The following TRHDE variants were observed in gnomAD, a reference collection of about 807,000 sequenced individuals.
TRHDE encodes the protein thyrotropin-releasing hormone-degrading ectoenzyme.
A neutral mutation model predicts 125.7 loss-of-function variants in TRHDE; 72 were observed. The ratio of observed to expected loss-of-function variants is 0.57; its 90% CI spans 0.47 to 0.70. TRHDE has a LOEUF of 0.70. TRHDE is among the 30% of genes least tolerant of loss of function. TRHDE has a pLI of 0.00. For missense variants in TRHDE, 1,110 were observed against 1,327.1 expected (o/e 0.84, Z 2.54); for synonymous variants, 509 against 509.1 (o/e 1.00, Z 0.00).
At chr12:72,494,452 G>T (rs1251521575) in intron 5 of TRHDE, among the ~76,000 whole-genome samples, 1 of 151,836 alleles carries the variant, frequency 6.6e-6, no homozygotes, top group African/African-American at 2.4e-5. Flanking sequence ...CTTTGATCTT[G>T]GTTTAGATTA....
Position 72,322,844 on chromosome 12 carries a change from G to A in TRHDE, c.1188+35890G>A, listed in dbSNP as rs540756166. On this transcript the variant is annotated intron_variant, in intron 2 of 18. Transcript: ENST00000261180. ...TAGGACTTCAGTTATCCACATTTGT[G>A]TATCAGTTAACAGTGGATATAGGGG... 5.9e-5 allele frequency among the ~76,000 whole-genome samples: 9 copies of A among 152,208 alleles called. No homozygotes were observed. The East Asian group carries it at 1.6e-3, about 26-fold the overall frequency.
intron 5 of TRHDE, among the ~76,000 whole-genome samples, chr12:72,487,752 G>A (rs1877479425): frequency 6.6e-6 from 1 of 152,076 alleles, no homozygotes; most frequent in Admixed American, 6.5e-5. Context: ...CTTCAACATA[G>A]TGACGGTGAT....
chr12:72,516,230 T>A (rs539235527), intron 6 of TRHDE, among the ~76,000 whole-genome samples: 1,597 of 151,812 alleles, frequency 0.011, 25 homozygotes, highest in African/African-American at 0.036. Context: ...TAAATTACCT[T>A]GGGCAGTATG....
chr12:72,501,664 G>A lies in TRHDE; in HGVS notation c.1722+2029G>A, dbSNP rs148191143. ...AGTATGTAATTTTCTTTCTTGTAACGTCTTTCACCTTGTTGTCACTATAGT... is the reference window on the plus strand; with the variant it reads ...AGTATGTAATTTTCTTTCTTGTAACATCTTTCACCTTGTTGTCACTATAGT... On this transcript the variant is annotated intron_variant, in intron 6 of 18. Coordinates refer to ENST00000261180, the MANE Select transcript of TRHDE (RefSeq NM_013381.3). Among the ~76,000 whole-genome samples, 16 of 151,996 alleles carry A rather than the reference G, an allele frequency of 1.1e-4. No homozygotes were observed. The East Asian group carries it at 1.7e-3, about 17-fold the overall frequency.
intron 6 of TRHDE, among the ~76,000 whole-genome samples, chr12:72,511,839 A>G (rs1201490291): frequency 6.6e-6 from 1 of 152,138 alleles, no homozygotes; most frequent in African/African-American, 2.4e-5. Flanking sequence ...CTGATTTGGC[A>G]TTTACTTGGT....
rs1430689674 is a variant in TRHDE, at chr12:72,545,869, T to C, written c.1788+3513T>C. ...GTTGAAATTTCTTGGTGATTTTCAG[T>C]GTAAATTCCATCTTCTAATGTTGGA... is the stretch of plus-strand genomic sequence containing the variant. On this transcript the variant is annotated intron_variant, in intron 7 of 18. Transcript: ENST00000261180. Among the ~76,000 whole-genome samples the C allele has an allele frequency of 2.0e-5, 3 of 151,808 alleles. No homozygotes were observed. The East Asian group carries it at 5.8e-4, about 29-fold the overall frequency.
intron 5 of TRHDE, among the ~76,000 whole-genome samples, chr12:72,493,664 T>C (rs1435979192): frequency 6.6e-6 from 1 of 152,000 alleles, no homozygotes; most frequent in Non-Finnish European, 1.5e-5. Context: ...CATTATTGCC[T>C]ATCTTCCTTT....
At chr12:72,438,696 G>A (rs1183765461) in intron 3 of TRHDE, among the ~76,000 whole-genome samples, 3 of 151,722 alleles carry the variant, frequency 2.0e-5, no homozygotes, top group Non-Finnish European at 4.4e-5. Flanking sequence ...CAGGTGTAGA[G>A]TTTGCAAATA....
intron 2 of TRHDE, among the ~76,000 whole-genome samples, chr12:72,133,126 A>G (rs527981412): frequency 6.6e-6 from 1 of 152,354 alleles, no homozygotes; most frequent in African/African-American, 2.4e-5. Flanking sequence ...GTAAGTATAC[A>G]TACAGTACCA....
At chr12:72,310,374 C>T (rs976698297) in intron 2 of TRHDE, among the ~76,000 whole-genome samples, 1 of 152,178 alleles carries the variant, frequency 6.6e-6, no homozygotes, top group East Asian at 1.9e-4. Flanking sequence ...TATGGGCAAG[C>T]CGTTCAACCA....
At chr12:72,098,175 G>C (rs188832761) in intron 1 of TRHDE, among the ~76,000 whole-genome samples, 127 of 152,230 alleles carry the variant, frequency 8.3e-4, no homozygotes, top group Admixed American at 6.1e-3. Context: ...GAGCCACTGT[G>C]CTCAGCCTAC....
chr12:72,607,145 A>G (rs1206660233), intron 12 of TRHDE, among the ~76,000 whole-genome samples: 1 of 152,070 alleles, frequency 6.6e-6, no homozygotes, highest in Admixed American at 6.6e-5. Context: ...TTTAGTGAGG[A>G]AGGTTGTTTG....
intron 3 of TRHDE, among the ~76,000 whole-genome samples, chr12:72,458,320 C>T (rs1044470952): frequency 1.5e-4 from 23 of 152,112 alleles, no homozygotes; most frequent in African/African-American, 5.6e-4. Context: ...TCAACTCTTC[C>T]CTCCCCTGTG....
chr12:72,567,280 C>T (rs1248355198), intron 9 of TRHDE, among the ~76,000 whole-genome samples: 1 of 151,538 alleles, frequency 6.6e-6, no homozygotes, highest in Non-Finnish European at 1.5e-5. Flanking sequence ...ATTAGTATAG[C>T]ATAGTATCTC....
intron 2 of TRHDE, among the ~76,000 whole-genome samples, chr12:72,209,711 A>G (rs755530838): frequency 3.3e-5 from 5 of 152,236 alleles, no homozygotes; most frequent in Non-Finnish European, 7.3e-5. Context: ...CAACTTGGTA[A>G]GAGGTGGAGA....
rs1875164030 is a variant in TRHDE, at chr12:72,668,059, A to T, written c.*4864A>T. 1 of 151,706 alleles carries T rather than the reference A, an allele frequency of 6.6e-6. No individual in the cohort carries two copies. 9.4% of individuals were successfully genotyped at this position (151,706 alleles called of 1,614,324 possible). On this transcript the variant is annotated 3_prime_UTR_variant, in exon 19 of 19. Transcript: ENST00000261180. ...AAATTAGTATATGTGAACTTATGAA[A>T]AAATGTTCTTGTAAATTATTCTAGA...
chr12:72,163,369 C>A (rs1592465229), intron 2 of TRHDE, among the ~76,000 whole-genome samples: 1 of 152,192 alleles, frequency 6.6e-6, no homozygotes, highest in Admixed American at 6.5e-5. Flanking sequence ...TCTCTTCTTG[C>A]AGTATCTTTA....
chr12:72,210,199 T>TATCTATCTATCTATC (rs35245091), intron 2 of TRHDE, among the ~76,000 whole-genome samples: 5,269 of 151,950 alleles, frequency 0.035, 143 homozygotes, highest in South Asian at 0.066. Flanking sequence ...TCTATCTATC[T>TATCTATCTATCTATC]ATCTATCTAC....
At chr12:72,171,753 A>C (rs1038773040) in intron 2 of TRHDE, among the ~76,000 whole-genome samples, 2 of 152,164 alleles carry the variant, frequency 1.3e-5, no homozygotes, top group Non-Finnish European at 2.9e-5. Context: ...TGTCTTAGTG[A>C]CTAAGAATGC....
Sources: allele counts gnomAD v4.1 joint callset (sites outside exome capture counted in the v4.1 genomes callset), GRCh38; gene constraint gnomAD v4.1.1; transcripts MANE v1.5; gene names NCBI Gene and HGNC (gene_info 2026-07-23, HGNC 2026-07-21).